The following GTF3C2 variants were observed in gnomAD, a reference collection of about 807,000 sequenced individuals.
The protein encoded by GTF3C2 is general transcription factor 3C polypeptide 2.
In GTF3C2, 17 loss-of-function variants were observed where a neutral mutation model predicts 117.4. The observed-to-expected ratio is 0.14, with a 90% CI of 0.10 to 0.22. GTF3C2 has a LOEUF of 0.22. GTF3C2 is among the 10% of genes least tolerant of loss of function. The probability of loss-of-function intolerance (pLI) is 1.00; values close to 1 mark genes in which losing one functional copy is unlikely to be tolerated. For missense variants in GTF3C2, 888 were observed against 1,143.6 expected, an observed-to-expected ratio of 0.78 and a Z score of 3.22; for synonymous variants, 437 against 427.0, an observed-to-expected ratio of 1.02 and a Z score of -0.29.
intron 12 of GTF3C2, among the ~76,000 whole-genome samples, chr2:27,331,217 A>C (rs1223578824): frequency 6.6e-6 from 1 of 152,238 alleles, no homozygotes; most frequent in African/African-American, 2.4e-5. Context: ...TGACAATGTA[A>C]GAATAATACC....
chr2:27,328,803 T>C (rs1680181393), intron 15 of GTF3C2, 41 bp downstream of exon 15: 5 of 1,447,428 alleles, frequency 3.5e-6, no homozygotes, highest in Non-Finnish European at 4.8e-6. Context: ...AATGAGCCAT[T>C]TTCCTTTGTA....
intron 10 of GTF3C2, 27 bp from the exon 11 acceptor site, chr2:27,334,026 C>T: frequency 6.3e-7 from 1 of 1,590,298 alleles, no homozygotes; most frequent in Non-Finnish European, 8.6e-7. Flanking sequence ...CAGGAACTAA[C>T]TCTATGGATC....
chr2:27,355,963 A>G (rs1158441451), intron 1 of GTF3C2: 7 of 556,644 alleles, frequency 1.3e-5, no homozygotes, highest in Non-Finnish European at 2.1e-5. Context: ...TTTTTAAGTA[A>G]GTCAATTTAA....
At chr2:27,342,733 TA>T in intron 3 of GTF3C2, 92 bp downstream of exon 3, 1 of 939,494 alleles carries the variant, frequency 1.1e-6, no homozygotes, top group Non-Finnish European at 1.7e-6. Flanking sequence ...CCTGCTTACC[TA>T]ATACCTCATC....
intron 4 of GTF3C2, 24 bp from the exon 5 acceptor site, chr2:27,338,044 A>G: frequency 7.0e-7 from 1 of 1,425,646 alleles, no homozygotes; most frequent in Non-Finnish European, 9.9e-7. Context: ...TGAAGAAAAT[A>G]TAAGGGAGCA....
intron 1 of GTF3C2, among the ~76,000 whole-genome samples, chr2:27,350,989 A>C (rs1681113111): frequency 6.6e-6 from 1 of 150,902 alleles, no homozygotes; most frequent in South Asian, 2.1e-4. Flanking sequence ...AGTGGCATGC[A>C]ACTGCAGTCT....
intron 1 of GTF3C2, among the ~76,000 whole-genome samples, chr2:27,353,162 AG>A (rs1163646371): frequency 1.3e-5 from 2 of 152,156 alleles, no homozygotes; most frequent in Admixed American, 1.3e-4. Context: ...TGGGAGACTG[AG>A]GTGAGCAGAT....
chr2:27,326,666 G>A (rs778908231), exon 19 of GTF3C2: 1 of 1,604,000 alleles, frequency 6.2e-7, no homozygotes, highest in African/African-American at 1.3e-5. Flanking sequence ...GATCTGGTGT[G>A]GGCCAAGGCT....
At position 27,327,223 on chromosome 2, in the gene GTF3C2, T is replaced by C. The variant is rs1259646278; in HGVS notation, c.2471A>G (p.His824Arg). The C allele has an allele frequency of 2.5e-6, 4 of 1,610,512 alleles. No individual in the cohort carries two copies. The East Asian group carries it at 8.9e-5, about 36-fold the overall frequency. The change falls in exon 18 of 19, where the codon CAT becomes CGT. Residue 824 changes from histidine to arginine, a missense_variant. Around this residue, in one of 7 missense-constraint regions of GTF3C2, gnomAD observed 129 missense variants for 156.0 expected, o/e 0.83. Coordinates refer to ENST00000264720, the Ensembl canonical transcript of GTF3C2. ...CAGCCTGTCCAGGCAGAGTTGAGAA[T>C]GCCCCTCTCCCTCCTGCATGCGCAG... is the stretch of plus-strand genomic sequence containing the variant.
chr2:27,355,205 T>A (rs921403598), intron 1 of GTF3C2, among the ~76,000 whole-genome samples: 1 of 152,222 alleles, frequency 6.6e-6, no homozygotes, highest in Non-Finnish European at 1.5e-5. Flanking sequence ...GACATCCATA[T>A]GACTTTTATG....
rs1422114486 is a variant in GTF3C2, at chr2:27,328,203, C to T, written c.2257-14G>A. 1 of 1,555,928 alleles carries T rather than the reference C, an allele frequency of 6.4e-7. No individual in the cohort carries two copies. On this transcript the variant is annotated splice_polypyrimidine_tract_variant and intron_variant, in intron 16 of 18. Coordinates refer to ENST00000264720, the Ensembl canonical transcript of GTF3C2. The stretch of plus-strand genomic sequence containing the variant: ...TTTATATATAGGCTGGAAAGGAGAC[C>T]ATGAAATTAGGTTCTATAATACTCA...
In GTF3C2 at chr2:27,348,139, G is replaced by T. The variant is rs1307184140; in HGVS notation, c.-24-4561C>A. On this transcript the variant is annotated intron_variant, in intron 1 of 18. Transcript: ENST00000264720. ...AAACATTAGCTGGGTGTGGTGCCGCGTGCCTTAATCCCAGCTACTTGGGAG... is the reference window on the plus strand; with the variant it reads ...AAACATTAGCTGGGTGTGGTGCCGCTTGCCTTAATCCCAGCTACTTGGGAG... Among the ~76,000 whole-genome samples the T allele has an allele frequency of 2.6e-5, 4 of 152,066 alleles. No homozygotes were observed. The East Asian group carries it at 7.7e-4, about 29-fold the overall frequency.
chr2:27,351,378 CA>C, intron 1 of GTF3C2, among the ~76,000 whole-genome samples: 1 of 152,290 alleles, frequency 6.6e-6, no homozygotes, highest in Non-Finnish European at 1.5e-5. Flanking sequence ...CGCGCCACTG[CA>C]CTCCAGCCTG....
intron 7 of GTF3C2, 30 bp downstream of exon 7, chr2:27,337,214 C>G: frequency 2.3e-6 from 3 of 1,312,538 alleles, no homozygotes; most frequent in South Asian, 2.5e-5. Flanking sequence ...CTCCTAGAAT[C>G]AGAAAAAAGG....
At chr2:27,333,854 G>A (rs3739095) in intron 11 of GTF3C2, 70 bp from the exon 12 acceptor site, 678,115 of 1,509,506 alleles carry the variant, frequency 0.45, 162,009 homozygotes, top group African/African-American at 0.83. Flanking sequence ...GCTCAAATCA[G>A]TGCTTAATCC....
Position 27,329,984 on chromosome 2 carries a change from A to G in GTF3C2, c.1733-461T>C, listed in dbSNP as rs185653500. Among the ~76,000 whole-genome samples, 4 of 151,956 alleles carry G rather than the reference A, an allele frequency of 2.6e-5. No individual in the cohort carries two copies. In the East Asian group the frequency reaches 7.8e-4, roughly 29 times the overall value. On this transcript the variant is annotated intron_variant, in intron 12 of 18. Transcript: ENST00000264720. This position sits in a 1 kb window ranked among gnomAD's most constrained non-coding sequence, Gnocchi z 4.5. The stretch of plus-strand genomic sequence containing the variant: ...ACATGGTGAAACCCCGTCTCTACTA[A>G]AAATACAAAAAATTGGCCAGATGTG...
At chr2:27,342,072 C>T (rs201969569) in exon 4 of GTF3C2, 12 of 1,614,090 alleles carry the variant, frequency 7.4e-6, no homozygotes, top group Admixed American at 6.7e-5. Flanking sequence ...GTCTTCATCC[C>T]GTGGAGCACC....
intron 12 of GTF3C2, among the ~76,000 whole-genome samples, chr2:27,332,303 G>T (rs548441031): frequency 5.8e-4 from 88 of 151,382 alleles, no homozygotes; most frequent in African/African-American, 1.8e-3. Flanking sequence ...GAGCCACCAT[G>T]CCTGGCTGAT....
chr2:27,353,189 T>C (rs1246152230), intron 1 of GTF3C2, among the ~76,000 whole-genome samples: 1 of 152,022 alleles, frequency 6.6e-6, no homozygotes, highest in Non-Finnish European at 1.5e-5. Context: ...GGTCAGGAGA[T>C]CGAGACCATC....
Sources: allele counts gnomAD v4.1 joint callset (sites outside exome capture counted in the v4.1 genomes callset), GRCh38; gene constraint gnomAD v4.1.1; regional missense constraint gnomAD v4.1.1; non-coding constraint Gnocchi (gnomAD v3.1); transcripts MANE v1.5; gene names NCBI Gene and HGNC (gene_info 2026-07-23, HGNC 2026-07-21).